Variants in NR3C1 observed in about 807,000 individuals in gnomAD.
NR3C1 encodes glucocorticoid receptor.
Under a neutral mutation model 74.0 loss-of-function variants are expected in NR3C1, and 14 were observed. That is an observed-to-expected ratio of 0.19 (90% CI 0.12 to 0.30). The LOEUF (loss-of-function observed/expected upper bound fraction) is 0.30. Ranked by LOEUF, NR3C1 falls within the 10% of genes least tolerant of loss-of-function variation. NR3C1 has a pLI of 1.00. For synonymous variants in NR3C1, 308 were observed against 332.5 expected, an observed-to-expected ratio of 0.93 and a Z score of 0.80; for missense variants, 695 against 909.8, an observed-to-expected ratio of 0.76 and a Z score of 3.04.
At chr5:143,403,116 T>C (rs1461726332) in intron 1 of NR3C1, 95 bp downstream of exon 1, 2 of 972,660 alleles carry the variant, frequency 2.1e-6, no homozygotes, top group African/African-American at 3.5e-5. Context: ...AATAAAAGTT[T>C]GTAGGCTCCC....
At chr5:143,377,851 T>C (rs1215152280) in intron 2 of NR3C1, among the ~76,000 whole-genome samples, 2 of 152,262 alleles carry the variant, frequency 1.3e-5, no homozygotes, top group Non-Finnish European at 2.9e-5. Flanking sequence ...AATGTATTGA[T>C]ATGAAATTAG....
intron 1 of NR3C1, among the ~76,000 whole-genome samples, chr5:143,410,686 A>G (rs1305877418): frequency 1.3e-5 from 2 of 152,188 alleles, no homozygotes; most frequent in Non-Finnish European, 2.9e-5. Context: ...TAGGCCTTAC[A>G]TGGGATCATG....
upstream of NR3C1, among the ~76,000 whole-genome samples, chr5:143,406,539 A>G (rs1315685321): frequency 1.3e-5 from 2 of 152,236 alleles, no homozygotes; most frequent in Non-Finnish European, 2.9e-5. Flanking sequence ...TGCATGAACT[A>G]TAAGTTAACC....
intron 2 of NR3C1, among the ~76,000 whole-genome samples, chr5:143,393,995 A>T (rs1308943542): frequency 6.6e-6 from 1 of 152,074 alleles, no homozygotes; most frequent in Non-Finnish European, 1.5e-5. Flanking sequence ...GATAATGCGT[A>T]AACATTTACA....
intron 3 of NR3C1, among the ~76,000 whole-genome samples, chr5:143,313,659 C>T (rs1197726687): frequency 6.6e-6 from 1 of 151,932 alleles, no homozygotes; most frequent in Admixed American, 6.6e-5. Context: ...AACCTATTAG[C>T]TTATGGAAGT....
intron 2 of NR3C1, among the ~76,000 whole-genome samples, chr5:143,340,568 C>T (rs934634231): frequency 9.3e-5 from 14 of 150,264 alleles, no homozygotes; most frequent in East Asian, 3.9e-4. Context: ...CTGCAACCTC[C>T]GCCTCCTGGG....
At chr5:143,428,986 A>C (rs1751676211) in intron 1 of NR3C1, among the ~76,000 whole-genome samples, 1 of 152,216 alleles carries the variant, frequency 6.6e-6, no homozygotes, top group South Asian at 2.1e-4. Flanking sequence ...TATTTTGATT[A>C]AAGTTATAAC....
intron 2 of NR3C1, among the ~76,000 whole-genome samples, chr5:143,340,825 T>C (rs2151743116): frequency 6.6e-6 from 1 of 152,214 alleles, no homozygotes; most frequent in Admixed American, 6.5e-5. Context: ...TTACCAAATA[T>C]ATATTTTTAA....
At chr5:143,303,243 G>GCA (rs1818862048) in intron 4 of NR3C1, among the ~76,000 whole-genome samples, 1 of 150,282 alleles carries the variant, frequency 6.7e-6, no homozygotes, top group Non-Finnish European at 1.5e-5. Flanking sequence ...GTGTGTATGT[G>GCA]GGTGGGGGGG....
intron 2 of NR3C1, among the ~76,000 whole-genome samples, chr5:143,384,934 A>G (rs1304891939): frequency 6.6e-6 from 1 of 152,192 alleles, no homozygotes; most frequent in Admixed American, 6.5e-5. Flanking sequence ...GCCCTAGCAG[A>G]GGATCTCCAT....
At chr5:143,338,954 T>C (rs189600668) in intron 2 of NR3C1, among the ~76,000 whole-genome samples, 151 of 152,286 alleles carry the variant, frequency 9.9e-4, no homozygotes, top group African/African-American at 3.5e-3. Flanking sequence ...TTATTGTACC[T>C]TTTCTATGTT....
At chr5:143,407,973 G>T (rs1841170234), upstream of NR3C1, among the ~76,000 whole-genome samples, 1 of 152,182 alleles carries the variant, frequency 6.6e-6, no homozygotes, top group Non-Finnish European at 1.5e-5. Context: ...GATTGAACTG[G>T]AGTTTAATTT....
chr5:143,299,225 G>A (rs774336271), intron 5 of NR3C1, among the ~76,000 whole-genome samples: 4 of 151,796 alleles, frequency 2.6e-5, no homozygotes, highest in Non-Finnish European at 5.9e-5. Flanking sequence ...TGCTGGCCAG[G>A]CTGGTCTCGA....
intron 2 of NR3C1, among the ~76,000 whole-genome samples, chr5:143,319,969 A>G (rs143745959): frequency 1.4e-3 from 216 of 152,330 alleles, no homozygotes; most frequent in African/African-American, 4.9e-3. Flanking sequence ...GTTATCAAGT[A>G]CAGGATTGGC....
chr5:143,310,879 A>G (rs888379567), intron 3 of NR3C1, among the ~76,000 whole-genome samples: 6 of 151,962 alleles, frequency 3.9e-5, no homozygotes, highest in African/African-American at 1.5e-4. Flanking sequence ...GATTGTCTCG[A>G]TCTCAGGACC....
chr5:143,425,239 T>C (rs1751469596), intron 1 of NR3C1, among the ~76,000 whole-genome samples: 1 of 152,126 alleles, frequency 6.6e-6, no homozygotes, highest in African/African-American at 2.4e-5. Context: ...AAAACTTAAA[T>C]GTAAAAGCTA....
Position 143,399,638 on chromosome 5 carries a change from G to A in NR3C1, c.1184+18C>T, listed in dbSNP as rs1416812509. ...TTAAATGTACCATTCTTAAGAAACA[G>A]AAAAACACTGATCTTACCTTGAATA... On this transcript the variant is annotated intron_variant, in intron 2 of 8. Transcript: ENST00000394464. The A allele has an allele frequency of 6.5e-7, 1 of 1,549,804 alleles. No homozygotes were observed. The highest frequency in any genetic ancestry group is 8.9e-7 in the Non-Finnish European group (1 of 1,121,462).
exon 1 of NR3C1, chr5:143,435,165 C>T (rs1373294412): frequency 1.9e-5 from 19 of 985,300 alleles, no homozygotes; most frequent in Non-Finnish European, 2.2e-5. Flanking sequence ...AGCAATTTTC[C>T]TCCCTGCCTT....
chr5:143,289,622 T>C (rs918145588), intron 7 of NR3C1, among the ~76,000 whole-genome samples: 1 of 152,104 alleles, frequency 6.6e-6, no homozygotes, highest in African/African-American at 2.4e-5. Flanking sequence ...AAAGAAAACA[T>C]GCAAAACATA....
Sources: allele counts gnomAD v4.1 joint callset (sites outside exome capture counted in the v4.1 genomes callset), GRCh38; gene constraint gnomAD v4.1.1; transcripts MANE v1.5; gene names NCBI Gene and HGNC (gene_info 2026-07-23, HGNC 2026-07-21).